The following MEGF6 variants were observed in gnomAD, a reference collection of about 807,000 sequenced individuals.
The protein encoded by MEGF6 is multiple epidermal growth factor-like domains protein 6.
Under a neutral mutation model 207.1 loss-of-function variants are expected in MEGF6, and 184 were observed. That is an observed-to-expected ratio of 0.89 (90% CI 0.79 to 1.00). The LOEUF is 1.00. MEGF6 is among the 50% of genes least tolerant of loss of function. MEGF6 has a pLI of 0.00. For synonymous variants in MEGF6, 1,038 were observed against 910.0 expected, an observed-to-expected ratio of 1.14 and a Z score of -2.53; for missense variants, 2,282 against 2,202.9, an observed-to-expected ratio of 1.04 and a Z score of -0.72.
intron 3 of MEGF6, among the ~76,000 whole-genome samples, chr1:3,580,695 T>A (rs538156260): frequency 3.4e-4 from 49 of 145,180 alleles, no homozygotes; most frequent in South Asian, 1.2e-3. Context: ...CCAACTTCCT[T>A]CACCGGGCAG....
chr1:3,491,351 A>T (rs1336832016), intron 35 of MEGF6, among the ~76,000 whole-genome samples: 2 of 152,062 alleles, frequency 1.3e-5, no homozygotes, highest in Non-Finnish European at 1.5e-5. Flanking sequence ...CCCGGCACCC[A>T]GCGCAGGTGC....
At chr1:3,579,660 A>G (rs895330528) in intron 4 of MEGF6, among the ~76,000 whole-genome samples, 165 bp downstream of exon 4, 1 of 152,250 alleles carries the variant, frequency 6.6e-6, no homozygotes, top group African/African-American at 2.4e-5. Context: ...GAGGGGCTGC[A>G]GGGAACTGGT....
chr1:3,528,263 C>T (rs1333833217), intron 4 of MEGF6, among the ~76,000 whole-genome samples: 1 of 152,326 alleles, frequency 6.6e-6, no homozygotes, highest in Admixed American at 6.5e-5. Context: ...ATGATTTTCA[C>T]TCAGAAAGCA....
In MEGF6 at chr1:3,514,206, C is replaced by G. The variant is rs973584777; in HGVS notation, c.853+344G>C. On this transcript the variant is annotated intron_variant, in intron 7 of 36. Transcript: ENST00000356575. ...GAGCTTGCAGTGAGCTGAGATCACG[C>G]CACTGCACTCCAGCCTGGGCAATAG... Among the ~76,000 whole-genome samples the G allele has an allele frequency of 2.0e-5, 3 of 151,850 alleles. No individual in the cohort carries two copies. In the South Asian group the frequency reaches 6.2e-4, roughly 32 times the overall value.
chr1:3,505,424 G>T lies in MEGF6; in HGVS notation c.2051C>A (p.Ala684Glu). 4 of 1,589,558 alleles carry T rather than the reference G, an allele frequency of 2.5e-6. No individual in the cohort carries two copies. Among genetic ancestry groups the T allele is most frequent in the Non-Finnish European group, 3.4e-6 (4 of 1,169,040 alleles). The change falls in exon 16 of 37, where the codon GCA (alanine) becomes GAA (glutamate). Residue 684 changes from alanine (A) to glutamate (E), a missense_variant and splice_region_variant. Transcript: ENST00000356575. ...CCAGACCCCATGCCTGGACTCACCT[G>T]CCTGACAGCGCTCGCCCCGGAAGCC... ...KAGFRGERCQ[A>E]ECELGYFGPG...
chr1:3,593,086 G>A lies in MEGF6; in HGVS notation c.376+2252C>T, dbSNP rs975004905. Among the ~76,000 whole-genome samples the A allele has an allele frequency of 2.6e-5, 4 of 152,180 alleles. No individual in the cohort carries two copies. The South Asian group carries it at 6.2e-4, about 24-fold the overall frequency. On this transcript the variant is annotated intron_variant, in intron 3 of 36. Transcript: ENST00000356575. ...CTCCAGGGTCCCACATGCAGATGGC[G>A]GCCTAGTGCCTGGCCACAGCACAGG...
the MEGF6 span, among the ~76,000 whole-genome samples, chr1:3,623,989 G>T: frequency 1.3e-5 from 2 of 152,132 alleles, no homozygotes; most frequent in South Asian, 2.1e-4. Flanking sequence ...CTCCCTGCCC[G>T]GTTCTCATCC....
chr1:3,566,921 A>G (rs746121103), intron 4 of MEGF6, among the ~76,000 whole-genome samples: 2 of 152,194 alleles, frequency 1.3e-5, no homozygotes, highest in Admixed American at 6.5e-5. Flanking sequence ...GGAGCGTCCT[A>G]TCTGACTCTC....
intron 4 of MEGF6, among the ~76,000 whole-genome samples, chr1:3,549,493 A>T (rs529987443): frequency 2.0e-4 from 31 of 152,258 alleles, no homozygotes; most frequent in African/African-American, 7.2e-4. Flanking sequence ...AGTCTAGGCG[A>T]GAAGATGGGG....
At chr1:3,578,536 T>G (rs1464033415) in intron 4 of MEGF6, among the ~76,000 whole-genome samples, 73 of 138,676 alleles carry the variant, frequency 5.3e-4, no homozygotes, top group African/African-American at 1.6e-3. Flanking sequence ...GCAGGGGCCC[T>G]GGGGGGGGGG....
chr1:3,492,896 G>A, intron 34 of MEGF6, 129 bp from the exon 35 acceptor site: 2 of 1,336,542 alleles, frequency 1.5e-6, no homozygotes, highest in Non-Finnish European at 2.0e-6. Context: ...GTGTGTGCGG[G>A]AGCTAAGACC....
intron 5 of MEGF6, among the ~76,000 whole-genome samples, chr1:3,522,317 A>G (rs1350261491): frequency 6.6e-6 from 1 of 152,018 alleles, no homozygotes; most frequent in Non-Finnish European, 1.5e-5. Context: ...AGCCCTGGAG[A>G]AGGCTGTGGA....
chr1:3,546,318 C>T (rs932093065), intron 4 of MEGF6, among the ~76,000 whole-genome samples: 2 of 152,248 alleles, frequency 1.3e-5, no homozygotes, highest in Admixed American at 6.5e-5. Flanking sequence ...GCTTAGAGCT[C>T]GCAAACGCTT....
chr1:3,515,337 C>T, intron 6 of MEGF6, 65 bp downstream of exon 6: 1 of 1,541,944 alleles, frequency 6.5e-7, no homozygotes, highest in Non-Finnish European at 8.8e-7. Flanking sequence ...CACCCAACAG[C>T]CCAGGCGAGG....
chr1:3,571,646 C>A (rs1001672380), intron 4 of MEGF6, among the ~76,000 whole-genome samples: 2 of 151,780 alleles, frequency 1.3e-5, no homozygotes, highest in Admixed American at 1.3e-4. Context: ...TGTGCTGGGT[C>A]CTTCCTGGGT....
chr1:3,562,659 G>A (rs754955572), intron 4 of MEGF6, among the ~76,000 whole-genome samples: 2 of 152,244 alleles, frequency 1.3e-5, no homozygotes, highest in African/African-American at 4.8e-5. Context: ...GGGTGGGCTG[G>A]AGCCTTGCTG....
rs1357106646 is a variant in MEGF6 at position 3,499,578 on chromosome 1, C to T, written c.2965+10G>A. ...TGCAGCACCCCGGGCTGAGCAGGGA[C>T]CTCACGCACTCTCGGCACAGCGGGG... On this transcript the variant is annotated intron_variant, in intron 23 of 36. Transcript: ENST00000356575. The T allele has an allele frequency of 2.5e-6, 4 of 1,571,984 alleles. No homozygotes were observed. The highest frequency in any genetic ancestry group is 2.6e-6 in the Non-Finnish European group (3 of 1,160,988).
chr1:3,510,665 C>T (rs904156665), intron 10 of MEGF6, 118 bp downstream of exon 10: 1 of 1,385,070 alleles, frequency 7.2e-7, no homozygotes, highest in Non-Finnish European at 9.6e-7. Context: ...CAAAGCAAAG[C>T]ACAGAGCAGG....
chr1:3,524,907 C>T (rs1281784505), intron 4 of MEGF6, among the ~76,000 whole-genome samples: 5 of 152,094 alleles, frequency 3.3e-5, no homozygotes, highest in South Asian at 2.1e-4. Context: ...ATTGTGGTGA[C>T]GAGGCTACGG....
Sources: gnomAD v4.1 joint callset for allele counts (sites outside exome capture counted in the v4.1 genomes callset) on GRCh38, gnomAD v4.1.1 for gene constraint, MANE v1.5 for transcripts, NCBI Gene and HGNC (gene_info 2026-07-23, HGNC 2026-07-21) for gene names.